CYLC2: variants seen among roughly 807,000 people sequenced by gnomAD.
CYLC2 encodes cylicin 2.
CYLC2 carries 30 observed loss-of-function variants against 26.1 expected under a neutral mutation model. The observed-to-expected ratio is 1.15, with a 90% confidence interval of 0.86 to 1.56. The LOEUF (loss-of-function observed/expected upper bound fraction) is 1.56, where lower values mean the gene tolerates loss of function less well. CYLC2 is among the 40% of genes most tolerant of loss of function. CYLC2 has a pLI of 0.00. For missense variants in CYLC2, 498 were observed against 394.4 expected (o/e 1.26, Z -2.23); for synonymous variants, 158 against 132.8 (o/e 1.19, Z -1.31).
chr9:103,017,323 T>C (rs1829517529), intron 7 of CYLC2, among the ~76,000 whole-genome samples: 2 of 152,050 alleles, frequency 1.3e-5, no homozygotes, highest in Admixed American at 1.3e-4. Context: ...AAGTTCATCA[T>C]AGTTTAAATT....
Position 103,005,925 on chromosome 9 carries a change from G to T in CYLC2, c.*247G>T. ...TTGAAGAATACATATACTTATATTC[G>T]GGGATATGAAGGATTCAATGAATGA... On this transcript the variant is annotated 3_prime_UTR_variant, in exon 5 of 8. Coordinates refer to ENST00000374798, the MANE Select transcript of CYLC2 (RefSeq NM_001340.5). 2.4e-6 allele frequency: 1 copy of T among 411,366 alleles called. No homozygotes were observed. Among genetic ancestry groups the T allele is most frequent in the Admixed American group, 4.0e-5 (1 of 24,952 alleles). 25.5% of individuals were successfully genotyped at this position (411,366 alleles called of 1,614,324 possible).
intron 6 of CYLC2, among the ~76,000 whole-genome samples, chr9:103,015,630 T>C (rs767248594): frequency 6.8e-6 from 1 of 147,222 alleles, no homozygotes; most frequent in South Asian, 2.1e-4. Context: ...GTCTCTTGAG[T>C]GTTCCTTGGA....
intron 1 of CYLC2, among the ~76,000 whole-genome samples, chr9:102,996,407 T>G (rs1001182259): frequency 2.0e-5 from 3 of 151,910 alleles, no homozygotes; most frequent in Non-Finnish European, 2.9e-5. Context: ...TCAGAGAACT[T>G]GACCACAATG....
intron 1 of CYLC2, among the ~76,000 whole-genome samples, chr9:103,000,822 T>C (rs978998978): frequency 2.0e-5 from 3 of 152,012 alleles, no homozygotes; most frequent in East Asian, 1.9e-4. Flanking sequence ...AATGAAACAA[T>C]GTAAAATAAT....
chr9:103,007,956 C>T (rs370791974), intron 5 of CYLC2, among the ~76,000 whole-genome samples: 173 of 151,906 alleles, frequency 1.1e-3, no homozygotes, highest in African/African-American at 3.9e-3. Flanking sequence ...GGTGATCACA[C>T]GTTGTTAGCC....
At chr9:102,997,075 C>G (rs898588242) in intron 1 of CYLC2, among the ~76,000 whole-genome samples, 1 of 151,768 alleles carries the variant, frequency 6.6e-6, no homozygotes. Context: ...TATTGAGTAG[C>G]ATTACTAAAG....
rs972496902 is a variant in CYLC2 at position 103,005,736 on chromosome 9, T to C, written c.*58T>C. The C allele has an allele frequency of 3.9e-6, 6 of 1,521,300 alleles. No homozygotes were observed. The highest frequency in any genetic ancestry group is 1.4e-5 in the African/African-American group (1 of 71,590). The allele number at this position is 1,521,300 out of a possible 1,614,324, so 94.2% of individuals were successfully genotyped here. ...TTCAAAAGCATATTTGATGAAACAATAGTGGTAGTCTGCAGCTGAATTTGT... is the reference window on the plus strand; with the variant it reads ...TTCAAAAGCATATTTGATGAAACAACAGTGGTAGTCTGCAGCTGAATTTGT... On this transcript the variant is annotated 3_prime_UTR_variant, in exon 5 of 8. Coordinates refer to ENST00000374798, the MANE Select transcript of CYLC2 (RefSeq NM_001340.5).
rs369659683 is a variant in CYLC2 at position 103,005,562 on chromosome 9, G to T, written c.931G>T (p.Glu311Ter). The change falls in exon 5 of 8, where the codon GAA becomes TAA. Residue 311 changes from glutamate to a stop codon, truncating the protein, a stop_gained. Transcript: ENST00000374798. LOFTEE classifies it low-confidence loss of function (END_TRUNC). Reference sequence around the variant, plus strand: ...AGTTGCCAAGAAAGATACTGAGAAAGAATCTGCTGATTCAAAGAAGGATGC... The same window carrying T: ...AGTTGCCAAGAAAGATACTGAGAAATAATCTGCTGATTCAAAGAAGGATGC... ...KKVAKKDTEKESADSKKDAKK... is the reference protein window; with the variant it reads ...KKVAKKDTEK 6.2e-7 allele frequency: 1 copy of T among 1,608,980 alleles called. No individual in the cohort carries two copies. The highest frequency in any genetic ancestry group is 1.3e-5 in the African/African-American group (1 of 74,948).
In CYLC2 at chr9:103,005,699, C is replaced by A. The variant is rs774940202; in HGVS notation, c.*21C>A. The A allele has an allele frequency of 1.9e-6, 3 of 1,582,630 alleles. No homozygotes were observed. The highest frequency in any genetic ancestry group is 2.6e-6 in the Non-Finnish European group (3 of 1,167,750). ...AGTAGGCCTTGGATAAGAATTTGAA[C>A]CGAAAGAATAATTCAAAAGCATATT... is the stretch of plus-strand genomic sequence containing the variant. On this transcript the variant is annotated 3_prime_UTR_variant, in exon 5 of 8. Coordinates refer to ENST00000374798, the MANE Select transcript of CYLC2 (RefSeq NM_001340.5).
intron 6 of CYLC2, among the ~76,000 whole-genome samples, chr9:103,015,610 T>C (rs2118278298): frequency 6.8e-6 from 1 of 146,752 alleles, no homozygotes; most frequent in Non-Finnish European, 1.5e-5. Flanking sequence ...ATAAATCACC[T>C]TTAAAGTATG....
At chr9:103,000,322 G>T (rs1330015628) in intron 1 of CYLC2, among the ~76,000 whole-genome samples, 2 of 151,884 alleles carry the variant, frequency 1.3e-5, no homozygotes, top group African/African-American at 2.4e-5. Context: ...AATTATAGAA[G>T]AAATTAACAG....
intron 6 of CYLC2, among the ~76,000 whole-genome samples, chr9:103,015,477 C>T (rs1829493487): frequency 7.5e-6 from 1 of 133,274 alleles, no homozygotes; most frequent in African/African-American, 2.8e-5. Context: ...ATATATAATA[C>T]ATTATATGTA....
rs528921994 is a variant in CYLC2 at position 103,014,464 on chromosome 9, G to A, written c.*816+2367G>A. Among the ~76,000 whole-genome samples, 167 of 128,416 alleles carry A rather than the reference G, an allele frequency of 1.3e-3. 5 individuals are homozygous for A. Among genetic ancestry groups the A allele is most frequent in the Non-Finnish European group, 2.0e-3 (122 of 61,750 alleles). The allele number at this position is 128,416 out of a possible 152,430, so 84.2% of individuals were successfully genotyped here. A position where few individuals can be genotyped will look rare whatever the true frequency, so the allele number is the denominator to read the frequency against. ...ACATAATATACATAATGTATATTACGTAATATACATAATATGTATATTATG... is the reference window on the plus strand; with the variant it reads ...ACATAATATACATAATGTATATTACATAATATACATAATATGTATATTATG... On this transcript the variant is annotated intron_variant, in intron 6 of 7. Transcript: ENST00000374798.
chr9:103,009,993 GTGTA>G (rs1829390539), intron 5 of CYLC2, among the ~76,000 whole-genome samples: 1 of 149,744 alleles, frequency 6.7e-6, no homozygotes, highest in Non-Finnish European at 1.5e-5. Context: ...TTACATGTAT[GTGTA>G]TATATATATA....
At chr9:103,013,063 T>A (rs1208637329) in intron 6 of CYLC2, among the ~76,000 whole-genome samples, 2 of 145,298 alleles carry the variant, frequency 1.4e-5, no homozygotes, top group Non-Finnish European at 3.0e-5. Flanking sequence ...TAAAAACTAA[T>A]TGTATATGTA....
At chr9:102,997,110 G>C (rs1829245830) in intron 1 of CYLC2, among the ~76,000 whole-genome samples, 1 of 151,644 alleles carries the variant, frequency 6.6e-6, no homozygotes, top group African/African-American at 2.4e-5. Context: ...CCTGGTCTAG[G>C]GATTCACCTT....
chr9:103,013,269 T>TA (rs1267707723), intron 6 of CYLC2, among the ~76,000 whole-genome samples: 2 of 99,298 alleles, frequency 2.0e-5, no homozygotes, highest in Admixed American at 1.4e-4. Flanking sequence ...GTGTTATATA[T>TA]ATTATATATA....
intron 5 of CYLC2, among the ~76,000 whole-genome samples, chr9:103,010,346 G>A (rs1050671555): frequency 6.6e-6 from 1 of 152,020 alleles, no homozygotes; most frequent in Admixed American, 6.6e-5. Flanking sequence ...TCTTTTTTAA[G>A]TTAAAATAAC....
In CYLC2 at chr9:103,001,563, TTTTTG is replaced by T. The variant is rs141187826; in HGVS notation, c.18-10_18-6del. On this transcript the variant is annotated splice_polypyrimidine_tract_variant and intron_variant, in intron 1 of 7. Coordinates refer to ENST00000374798, the MANE Select transcript of CYLC2 (RefSeq NM_001340.5). ...TATATAAATTAACTAAAACCTTTCT[TTTTTG>T]TTTTAATAGCCAAAGAGTAAACTTT... 0.067 allele frequency: 101,215 copies of T among 1,503,044 alleles called. 3,838 individuals are homozygous for T. The highest frequency in any genetic ancestry group is 0.11 in the Admixed American group (6,197 of 55,446). 93.1% of individuals were successfully genotyped at this position (1,503,044 alleles called of 1,614,324 possible). A position where few individuals can be genotyped will look rare whatever the true frequency, so the allele number is the denominator to read the frequency against.
Sources: allele counts gnomAD v4.1 joint callset (sites outside exome capture counted in the v4.1 genomes callset), GRCh38; gene constraint gnomAD v4.1.1; transcripts MANE v1.5; gene names NCBI Gene and HGNC (gene_info 2026-07-23, HGNC 2026-07-21).